Variants in GHR observed in about 807,000 individuals in gnomAD.
GHR encodes the protein GH receptor.
Under a neutral mutation model 67.1 loss-of-function variants are expected in GHR, and 35 were observed. That is an observed-to-expected ratio of 0.52 (90% CI 0.40 to 0.69). The LOEUF (loss-of-function observed/expected upper bound fraction) is 0.69, where lower values mean the gene tolerates loss of function less well. Among genes scored for constraint, GHR ranks in the 30% least tolerant of loss-of-function variants. GHR has a pLI of 0.00. For missense variants in GHR, 792 were observed against 764.6 expected (o/e 1.04, Z -0.42); for synonymous variants, 272 against 269.1 (o/e 1.01, Z -0.10).
At chr5:42,675,990 A>G (rs1756553431) in intron 3 of GHR, among the ~76,000 whole-genome samples, 1 of 152,230 alleles carries the variant, frequency 6.6e-6, no homozygotes, top group South Asian at 2.1e-4. Flanking sequence ...TAAAATTATA[A>G]AAAAGGAAGA....
At chr5:42,554,096 T>C (rs542373275) in intron 1 of GHR, among the ~76,000 whole-genome samples, 3 of 152,312 alleles carry the variant, frequency 2.0e-5, no homozygotes, top group Admixed American at 1.3e-4. Context: ...GGCCATGCTT[T>C]AGAATTATAC....
chr5:42,475,815 CT>C (rs552926432), intron 1 of GHR, among the ~76,000 whole-genome samples: 187 of 152,212 alleles, frequency 1.2e-3, no homozygotes, highest in African/African-American at 4.3e-3. Flanking sequence ...GAAAATGGAG[CT>C]TTTTCCCCCC....
At chr5:42,647,583 A>G (rs1754805006) in intron 3 of GHR, 2 of 414,674 alleles carry the variant, frequency 4.8e-6, no homozygotes, top group Non-Finnish European at 9.4e-6. Flanking sequence ...CCAAAAAAAA[A>G]AAAAAAAGTC....
intron 1 of GHR, among the ~76,000 whole-genome samples, chr5:42,455,944 A>G (rs1197731259): frequency 3.3e-5 from 5 of 152,222 alleles, no homozygotes; most frequent in Non-Finnish European, 7.3e-5. Flanking sequence ...CCTCATCTAC[A>G]GAATAGGTTA....
intron 1 of GHR, among the ~76,000 whole-genome samples, chr5:42,474,002 A>G (rs907081096): frequency 6.6e-6 from 1 of 152,042 alleles, no homozygotes; most frequent in Non-Finnish European, 1.5e-5. Context: ...AGCTTGGCCA[A>G]CATGGCGAAA....
At chr5:42,527,783 C>G (rs993497944) in intron 1 of GHR, among the ~76,000 whole-genome samples, 2 of 152,172 alleles carry the variant, frequency 1.3e-5, no homozygotes, top group East Asian at 1.9e-4. Flanking sequence ...GGCACATACT[C>G]TAAGATTGAT....
intron 1 of GHR, among the ~76,000 whole-genome samples, chr5:42,553,851 T>C (rs1322105559): frequency 1.3e-5 from 2 of 152,224 alleles, no homozygotes; most frequent in Non-Finnish European, 2.9e-5. Flanking sequence ...TTTTATAGGA[T>C]AATATTTTCT....
At chr5:42,612,220 A>C (rs1226386009) in intron 2 of GHR, among the ~76,000 whole-genome samples, 3 of 152,150 alleles carry the variant, frequency 2.0e-5, no homozygotes, top group Non-Finnish European at 4.4e-5. Context: ...GCTTTACATA[A>C]TAGTTGAAAA....
chr5:42,486,783 C>G (rs1284321568), intron 1 of GHR, among the ~76,000 whole-genome samples: 5 of 150,438 alleles, frequency 3.3e-5, no homozygotes, highest in African/African-American at 1.2e-4. Context: ...GGAGGCGGAG[C>G]TTGCAGTGAG....
intron 1 of GHR, among the ~76,000 whole-genome samples, chr5:42,471,175 G>A (rs975075300): frequency 6.6e-6 from 1 of 152,132 alleles, no homozygotes; most frequent in African/African-American, 2.4e-5. Flanking sequence ...GATTCCTGGT[G>A]CCTGGTATAG....
At chr5:42,614,137 C>A (rs919152254) in intron 2 of GHR, among the ~76,000 whole-genome samples, 2 of 152,112 alleles carry the variant, frequency 1.3e-5, no homozygotes, top group Non-Finnish European at 1.5e-5. Context: ...CAGAGCATAA[C>A]CATGCTTTGT....
chr5:42,575,363 C>T (rs747203796), intron 2 of GHR, among the ~76,000 whole-genome samples: 1 of 151,820 alleles, frequency 6.6e-6, no homozygotes, highest in Non-Finnish European at 1.5e-5. Context: ...GTTGAGTTCC[C>T]CAGAAGTAGG....
At chr5:42,548,844 T>C (rs1748869689) in intron 1 of GHR, among the ~76,000 whole-genome samples, 1 of 152,222 alleles carries the variant, frequency 6.6e-6, no homozygotes, top group African/African-American at 2.4e-5. Flanking sequence ...ACCATCAAGA[T>C]ATAATTTTGG....
chr5:42,534,082 GTATA>G (rs1419583787), intron 1 of GHR, among the ~76,000 whole-genome samples: 1 of 149,064 alleles, frequency 6.7e-6, no homozygotes, highest in South Asian at 2.1e-4. Flanking sequence ...ATGTATATAT[GTATA>G]TATGTAAGTA....
intron 2 of GHR, among the ~76,000 whole-genome samples, chr5:42,587,324 C>G (rs1751529849): frequency 6.6e-6 from 1 of 152,182 alleles, no homozygotes; most frequent in Non-Finnish European, 1.5e-5. Flanking sequence ...ACAAAGCAAC[C>G]ATCTCAGAGG....
chr5:42,481,458 A>T (rs977003484), intron 1 of GHR, among the ~76,000 whole-genome samples: 4 of 152,036 alleles, frequency 2.6e-5, no homozygotes, highest in South Asian at 2.1e-4. Context: ...GGGGAAGTTC[A>T]CCTGGATAAT....
At chr5:42,527,219 C>T (rs1747741668) in intron 1 of GHR, among the ~76,000 whole-genome samples, 1 of 152,172 alleles carries the variant, frequency 6.6e-6, no homozygotes. Flanking sequence ...CAAGTTCACA[C>T]ATATCAATAC....
intron 1 of GHR, among the ~76,000 whole-genome samples, chr5:42,442,432 A>T (rs1240515957): frequency 1.3e-5 from 2 of 152,204 alleles, no homozygotes; most frequent in Non-Finnish European, 2.9e-5. Context: ...AGGTATGATG[A>T]AAAGATTGCA....
intron 3 of GHR, among the ~76,000 whole-genome samples, chr5:42,684,087 T>C (rs1757020698): frequency 6.6e-6 from 1 of 152,240 alleles, no homozygotes; most frequent in South Asian, 2.1e-4. Context: ...AGGAACCTGA[T>C]TGACATTTGT....
Sources: allele counts gnomAD v4.1 joint callset (sites outside exome capture counted in the v4.1 genomes callset), GRCh38; gene constraint gnomAD v4.1.1; transcripts MANE v1.5; gene names NCBI Gene and HGNC (gene_info 2026-07-23, HGNC 2026-07-21).